MSH4: variants seen among roughly 807,000 people sequenced by gnomAD.
MSH4 encodes mutS protein homolog 4.
Under a neutral mutation model 113.7 loss-of-function variants are expected in MSH4, and 106 were observed. The ratio of observed to expected loss-of-function variants is 0.93; its 90% CI spans 0.80 to 1.10. The LOEUF is 1.10. MSH4 is among the 50% of genes least tolerant of loss of function. MSH4 has a pLI of 0.00. For synonymous variants in MSH4, 368 were observed against 380.2 expected (o/e 0.97, Z 0.37); for missense variants, 1,061 against 1,093.7 (o/e 0.97, Z 0.42).
At chr1:75,804,071 T>C (rs1650002808) in intron 2 of MSH4, among the ~76,000 whole-genome samples, 158 bp downstream of exon 2, 1 of 152,230 alleles carries the variant, frequency 6.6e-6, no homozygotes, top group Admixed American at 6.5e-5. Context: ...TGAGTCTAGA[T>C]TAATAAGGCA....
intron 6 of MSH4, among the ~76,000 whole-genome samples, chr1:75,820,483 G>T (rs1183970029): frequency 6.6e-6 from 1 of 152,162 alleles, no homozygotes; most frequent in African/African-American, 2.4e-5. Context: ...ATTAATTATT[G>T]CCTCAATTTC....
chr1:75,867,986 G>A lies in MSH4; in HGVS notation c.1305+398G>A, dbSNP rs184378778. Among the ~76,000 whole-genome samples, 76 of 151,692 alleles carry A rather than the reference G, an allele frequency of 5.0e-4. No homozygotes were observed. The East Asian group carries it at 0.014, about 28-fold the overall frequency. ...TTTATAGCATTTTTTTCCTGATATA[G>A]GGTCCAATCCAGGATCATATCTTAT... is the stretch of plus-strand genomic sequence containing the variant. On this transcript the variant is annotated intron_variant, in intron 9 of 19. Coordinates refer to ENST00000263187, the MANE Select transcript of MSH4 (RefSeq NM_002440.4).
Position 75,898,014 on chromosome 1 carries a change from A to C in MSH4, c.2463A>C (p.Ser821=), listed in dbSNP as rs114139185. ...AAGTTCAACATGTAAAGAATACCTC[A>C]AGAAATAAAGAAGCAATTTTGTATA... The part of the protein sequence containing the change: ...HFEVQHVKNT[S]RNKEAILYTY... Residue 821 remains serine (S), a synonymous_variant, in exon 18 of 20, where the codon TCA becomes TCC. Transcript: ENST00000263187. The C allele has an allele frequency of 0.012, 18,547 of 1,606,094 alleles. 282 individuals are homozygous for C. The highest frequency in any genetic ancestry group is 0.049 in the South Asian group (4,332 of 88,970).
intron 6 of MSH4, among the ~76,000 whole-genome samples, chr1:75,820,159 A>G (rs1485816319): frequency 6.6e-6 from 1 of 152,206 alleles, no homozygotes; most frequent in Non-Finnish European, 1.5e-5. Flanking sequence ...ATATATTATT[A>G]ATATCTTGCT....
chr1:75,853,504 T>A (rs1651240282), intron 8 of MSH4, among the ~76,000 whole-genome samples: 1 of 152,144 alleles, frequency 6.6e-6, no homozygotes, highest in Non-Finnish European at 1.5e-5. Flanking sequence ...TTTGTATACT[T>A]GGTTGAGATG....
At chr1:75,850,010 G>T (rs1288808222) in intron 8 of MSH4, among the ~76,000 whole-genome samples, 1 of 151,974 alleles carries the variant, frequency 6.6e-6, no homozygotes, top group Non-Finnish European at 1.5e-5. Flanking sequence ...TGTAAAATTG[G>T]CAGTGATACA....
chr1:75,881,956 C>G lies in MSH4; in HGVS notation c.1906+586C>G, dbSNP rs145635565. ...TACTCCAGTATGCAAATTTACTGGA[C>G]TAGTATGTGATAATTATGGTTGAAT... is the stretch of plus-strand genomic sequence containing the variant. On this transcript the variant is annotated intron_variant, in intron 14 of 19. Coordinates refer to ENST00000263187, the MANE Select transcript of MSH4 (RefSeq NM_002440.4). 4.9e-4 allele frequency among the ~76,000 whole-genome samples: 75 copies of G among 152,006 alleles called. 1 individual carries two copies. The East Asian group carries it at 0.013, about 27-fold the overall frequency.
At chr1:75,823,102 G>T (rs1478982253) in intron 7 of MSH4, among the ~76,000 whole-genome samples, 3 of 152,122 alleles carry the variant, frequency 2.0e-5, no homozygotes, top group African/African-American at 4.8e-5. Flanking sequence ...TCTAGCTTTT[G>T]GTGGTCGCTG....
intron 19 of MSH4, among the ~76,000 whole-genome samples, chr1:75,907,340 G>T (rs1236889382): frequency 6.6e-6 from 1 of 151,854 alleles, no homozygotes; most frequent in Non-Finnish European, 1.5e-5. Context: ...ACTCCCTCCT[G>T]ATCTATATGG....
At chr1:75,862,250 G>A (rs1035049040) in intron 8 of MSH4, among the ~76,000 whole-genome samples, 1 of 152,132 alleles carries the variant, frequency 6.6e-6, no homozygotes, top group African/African-American at 2.4e-5. Context: ...CGGGTGAGGT[G>A]ATGCCCTGCC....
intron 19 of MSH4, among the ~76,000 whole-genome samples, chr1:75,912,293 T>C (rs1348611334): frequency 6.6e-6 from 1 of 152,154 alleles, no homozygotes; most frequent in Middle Eastern, 3.4e-3. Flanking sequence ...AAAAGTATAT[T>C]ACCACATAGC....
At chr1:75,829,090 A>G (rs1650623179) in intron 7 of MSH4, among the ~76,000 whole-genome samples, 2 of 152,136 alleles carry the variant, frequency 1.3e-5, no homozygotes, top group Admixed American at 1.3e-4. Context: ...CCACCCTAAT[A>G]CTGCGCTTTT....
chr1:75,855,253 G>C (rs1651290802), intron 8 of MSH4, among the ~76,000 whole-genome samples: 2 of 152,056 alleles, frequency 1.3e-5, no homozygotes, highest in South Asian at 4.1e-4. Context: ...GCCCAGGCTT[G>C]TCTTGAACTC....
chr1:75,807,674 G>A (rs957359561), intron 3 of MSH4, among the ~76,000 whole-genome samples: 10 of 152,214 alleles, frequency 6.6e-5, no homozygotes, highest in African/African-American at 2.4e-4. Context: ...GGTTTAAGGA[G>A]ATGCATAGGG....
chr1:75,837,520 G>A (rs1222416241), intron 7 of MSH4, among the ~76,000 whole-genome samples: 1 of 151,154 alleles, frequency 6.6e-6, no homozygotes, highest in African/African-American at 2.4e-5. Context: ...CCGAGTAGCT[G>A]AGAATATAGG....
chr1:75,803,429 C>T (rs1030199024), intron 1 of MSH4, among the ~76,000 whole-genome samples: 1 of 151,914 alleles, frequency 6.6e-6, no homozygotes, highest in African/African-American at 2.4e-5. Flanking sequence ...CCAGCCCAGC[C>T]AACATGGTGA....
At chr1:75,875,286 A>T (rs1198268185) in intron 9 of MSH4, among the ~76,000 whole-genome samples, 2 of 152,360 alleles carry the variant, frequency 1.3e-5, no homozygotes, top group South Asian at 2.1e-4. Context: ...CAAGGTGATC[A>T]TGACAGTAAT....
chr1:75,854,540 T>A (rs1032392051), intron 8 of MSH4, among the ~76,000 whole-genome samples: 8 of 152,140 alleles, frequency 5.3e-5, no homozygotes, highest in African/African-American at 1.9e-4. Context: ...AGACCTTCAG[T>A]TTAAATGGCT....
At chr1:75,834,718 G>A (rs1454779497) in intron 7 of MSH4, among the ~76,000 whole-genome samples, 1 of 152,130 alleles carries the variant, frequency 6.6e-6, no homozygotes, top group Non-Finnish European at 1.5e-5. Flanking sequence ...CTCATAGGTG[G>A]GAAGTGAACA....
Sources: allele counts gnomAD v4.1 joint callset (sites outside exome capture counted in the v4.1 genomes callset), GRCh38; gene constraint gnomAD v4.1.1; transcripts MANE v1.5; gene names NCBI Gene and HGNC (gene_info 2026-07-23, HGNC 2026-07-21).